Variants in TRPV3 observed in about 807,000 individuals in gnomAD.
TRPV3 encodes VRL-3.
Under a neutral mutation model 87.1 loss-of-function variants are expected in TRPV3, and 88 were observed. The ratio of observed to expected loss-of-function variants is 1.01; its 90% CI spans 0.85 to 1.21. The LOEUF (loss-of-function observed/expected upper bound fraction) is 1.21. TRPV3 is among the 50% of genes most tolerant of loss of function. The pLI is 0.00. For synonymous variants in TRPV3, 438 were observed against 423.3 expected, an observed-to-expected ratio of 1.03 and a Z score of -0.43; for missense variants, 1,054 against 1,030.1, an observed-to-expected ratio of 1.02 and a Z score of -0.32.
intron 6 of TRPV3, among the ~76,000 whole-genome samples, chr17:3,538,184 C>T (rs1461822192): frequency 6.8e-6 from 1 of 146,862 alleles, no homozygotes; most frequent in Non-Finnish European, 1.5e-5. Flanking sequence ...GAGCAAGACC[C>T]CGTCTCAAAA....
At chr17:3,543,381 A>T in intron 5 of TRPV3, 93 bp downstream of exon 5, 1 of 1,501,186 alleles carries the variant, frequency 6.7e-7, no homozygotes, top group East Asian at 2.3e-5. Context: ...CTCACACTCC[A>T]GCCTCATGGG....
intron 13 of TRPV3, among the ~76,000 whole-genome samples, chr17:3,522,820 CAAAA>C (rs772785322): frequency 3.1e-5 from 2 of 64,700 alleles, no homozygotes; most frequent in African/African-American, 1.0e-4. Context: ...CAGTCACAAA[CAAAA>C]AAAAAAAAAA....
In TRPV3 at chr17:3,518,463, G is replaced by C. The variant is rs2074203542; in HGVS notation, c.2085+113C>G. 6.3e-6 allele frequency: 8 copies of C among 1,267,106 alleles called. No individual in the cohort carries two copies. The highest frequency in any genetic ancestry group is 2.8e-4 in the Middle Eastern group (1 of 3,576). The allele number at this position is 1,267,106 out of a possible 1,614,324, so 78.5% of individuals were successfully genotyped here. On this transcript the variant is annotated intron_variant, in intron 15 of 17. Transcript: ENST00000576742. This position sits in a 1 kb window ranked among gnomAD's most constrained non-coding sequence, Gnocchi z 4.3. ...AACCTGGCCACACACTGAGGAGCTTGTGCAGATTCTCAGGCCCCACCTCAG... is the reference window on the plus strand; with the variant it reads ...AACCTGGCCACACACTGAGGAGCTTCTGCAGATTCTCAGGCCCCACCTCAG...
rs150365464 is a variant in TRPV3 at position 3,549,490 on chromosome 17, C to T, written c.120-4219G>A. ...CAGTTGAATTATCCTTGATTCCCAA[C>T]ACTGGTCCTAACACTCAGAAGACTT... On this transcript the variant is annotated intron_variant, in intron 2 of 17. Transcript: ENST00000576742. 8.5e-5 allele frequency among the ~76,000 whole-genome samples: 13 copies of T among 152,358 alleles called. No homozygotes were observed. The East Asian group carries it at 2.3e-3, about 27-fold the overall frequency.
chr17:3,544,646 C>T lies in TRPV3; in HGVS notation c.244G>A (p.Asp82Asn), dbSNP rs1432341210. 1 of 1,609,714 alleles carries T rather than the reference C, an allele frequency of 6.2e-7. No individual in the cohort carries two copies. Among genetic ancestry groups the T allele is most frequent in the Admixed American group, 1.7e-5 (1 of 59,714 alleles). The change falls in exon 4 of 18, where the codon GAC (aspartate) becomes AAC (asparagine). Residue 82 changes from aspartate (D) to asparagine (N), a missense_variant. Coordinates refer to ENST00000576742, the MANE Select transcript of TRPV3 (RefSeq NM_145068.4). Reference sequence around the variant, plus strand: ...TGAGGAGACTGGGGGGAGTCCATGTCATCACAGTTACCAGAGATGCTGGAG... The same window carrying T: ...TGAGGAGACTGGGGGGAGTCCATGTTATCACAGTTACCAGAGATGCTGGAG... ...IRQCISGNCD[D>N]MDSPQSPQDD...
At position 3,544,647 on chromosome 17, in the gene TRPV3, A is replaced by G; in HGVS notation, c.243T>C (p.Asp81=). ...GAGGAGACTGGGGGGAGTCCATGTC[A>G]TCACAGTTACCAGAGATGCTGGAGG... ...NIRQCISGNC[D]DMDSPQSPQD... Residue 81 remains aspartate, a synonymous_variant, in exon 4 of 18, where the codon GAT becomes GAC. Coordinates refer to ENST00000576742, the MANE Select transcript of TRPV3 (RefSeq NM_145068.4). The G allele has an allele frequency of 6.2e-7, 1 of 1,609,860 alleles. No individual in the cohort carries two copies. The highest frequency in any genetic ancestry group is 2.2e-5 in the East Asian group (1 of 44,670).
chr17:3,511,276 T>C lies in TRPV3; in HGVS notation c.*2641A>G, dbSNP rs1017589430. On this transcript the variant is annotated 3_prime_UTR_variant, in exon 18 of 18. Transcript: ENST00000576742. ...AATGTTGACTGCCAAATGAGACACC[T>C]GAGAAAATAGTCCTGCCCCCCAATA... The C allele has an allele frequency of 6.6e-6, 1 of 152,164 alleles. No homozygotes were observed. Among genetic ancestry groups the C allele is most frequent in the African/African-American group, 2.4e-5 (1 of 41,424 alleles). The allele number at this position is 152,164 out of a possible 1,614,324, so 9.4% of individuals were successfully genotyped here.
chr17:3,519,704 AGATGGATGGATG>A lies in TRPV3; in HGVS notation c.1811-866_1811-855del, dbSNP rs145819534. 1.2e-3 allele frequency among the ~76,000 whole-genome samples: 105 copies of A among 86,128 alleles called. 2 individuals carry two copies. Among genetic ancestry groups the A allele is most frequent in the Middle Eastern group, 0.012 (1 of 84 alleles). 56.5% of individuals were successfully genotyped at this position (86,128 alleles called of 152,430 possible). A position where few individuals can be genotyped will look rare whatever the true frequency, so the allele number is the denominator to read the frequency against. ...TGGATGGATGATTGGATGGATGGAT[AGATGGATGGATG>A]GATGGATGGATGGATGGATGGATGG... On this transcript the variant is annotated intron_variant, in intron 14 of 17. Coordinates refer to ENST00000576742, the MANE Select transcript of TRPV3 (RefSeq NM_145068.4).
chr17:3,524,632 C>T (rs113329333), intron 12 of TRPV3, among the ~76,000 whole-genome samples: 20 of 151,836 alleles, frequency 1.3e-4, no homozygotes, highest in Non-Finnish European at 2.8e-4. Flanking sequence ...TCCACAGGGC[C>T]GCAGAAGATT....
intron 12 of TRPV3, among the ~76,000 whole-genome samples, chr17:3,525,032 G>A (rs551954113): frequency 5.9e-5 from 9 of 152,034 alleles, no homozygotes; most frequent in Admixed American, 2.0e-4. Context: ...GGGGGTCAGG[G>A]GGGCAGAGAC....
rs1167856548 is a variant in TRPV3 at position 3,528,321 on chromosome 17, A to C, written c.1402-195T>G. Among the ~76,000 whole-genome samples the C allele has an allele frequency of 6.6e-6, 1 of 152,198 alleles. No homozygotes were observed. On this transcript the variant is annotated intron_variant, in intron 10 of 17. Coordinates refer to ENST00000576742, the MANE Select transcript of TRPV3 (RefSeq NM_145068.4). The surrounding 1 kb of genome is among the most constrained non-coding windows in gnomAD (Gnocchi z 4.2). The stretch of plus-strand genomic sequence containing the variant: ...CTCTCCTCACCCTTGATGGAAACCC[A>C]GAACTCTACAACGAAGAATATCATC...
intron 6 of TRPV3, among the ~76,000 whole-genome samples, chr17:3,540,937 G>A (rs1340857368): frequency 6.6e-6 from 1 of 152,210 alleles, no homozygotes; most frequent in African/African-American, 2.4e-5. Flanking sequence ...ATATCTTCTA[G>A]TTTGTCACAA....
chr17:3,532,496 T>C (rs974363358), intron 8 of TRPV3, among the ~76,000 whole-genome samples, 161 bp downstream of exon 8: 1 of 152,204 alleles, frequency 6.6e-6, no homozygotes, highest in Non-Finnish European at 1.5e-5. Flanking sequence ...CAAACCTGCC[T>C]CCGGCCGCCA....
At chr17:3,517,075 T>A (rs992355419) in intron 15 of TRPV3, among the ~76,000 whole-genome samples, 5 of 150,986 alleles carry the variant, frequency 3.3e-5, no homozygotes, top group African/African-American at 9.7e-5. Context: ...AACCTGGAGG[T>A]TGGAGTTTGC....
chr17:3,510,787 C>T lies in TRPV3; in HGVS notation c.*3130G>A, dbSNP rs1429707144. The T allele has an allele frequency of 6.6e-6, 1 of 152,174 alleles. No homozygotes were observed. Among genetic ancestry groups the T allele is most frequent in the Non-Finnish European group, 1.5e-5 (1 of 68,044 alleles). 9.4% of individuals were successfully genotyped at this position (152,174 alleles called of 1,614,324 possible). On this transcript the variant is annotated 3_prime_UTR_variant, in exon 18 of 18. Transcript: ENST00000576742. ...CGGATGACGGCCCATCTACCTGGGC[C>T]CTGCCCAGAGCGAAAGGTCACAGGT...
chr17:3,550,175 A>G (rs899070856), intron 2 of TRPV3, among the ~76,000 whole-genome samples: 1 of 152,180 alleles, frequency 6.6e-6, no homozygotes, highest in Admixed American at 6.5e-5. Flanking sequence ...TGCATCCTTC[A>G]GGTGACTTCC....
chr17:3,543,954 C>T (rs1467180423), intron 4 of TRPV3, among the ~76,000 whole-genome samples: 1 of 152,114 alleles, frequency 6.6e-6, no homozygotes, highest in East Asian at 1.9e-4. Flanking sequence ...CCTTCCCTGT[C>T]CTCCCACTCC....
At chr17:3,541,479 T>C (rs1037992843) in intron 6 of TRPV3, among the ~76,000 whole-genome samples, 1 of 152,188 alleles carries the variant, frequency 6.6e-6, no homozygotes, top group Non-Finnish European at 1.5e-5. Context: ...CATAAGACCG[T>C]AAAGCGCTGT....
rs768586425 is a variant in TRPV3 at position 3,544,619 on chromosome 17, C to T, written c.271G>A (p.Asp91Asn). The T allele has an allele frequency of 6.2e-7, 1 of 1,609,668 alleles. No individual in the cohort carries two copies. Among genetic ancestry groups the T allele is most frequent in the Non-Finnish European group, 8.5e-7 (1 of 1,179,134 alleles). Reference protein sequence around the residue: ...DDMDSPQSPQDDVTETPSNPN... With the variant: ...DDMDSPQSPQNDVTETPSNPN... ...TTGGATGGGGTCTCTGTCACATCATCCTGAGGAGACTGGGGGGAGTCCATG... is the reference window on the plus strand; with the variant it reads ...TTGGATGGGGTCTCTGTCACATCATTCTGAGGAGACTGGGGGGAGTCCATG... The change falls in exon 4 of 18, where the codon GAT (aspartate) becomes AAT (asparagine). Residue 91 changes from aspartate to asparagine, a missense_variant. By Grantham distance (23) the Asp-to-Asn change is conservative. Transcript: ENST00000576742.
Sources: gnomAD v4.1 joint callset for allele counts (sites outside exome capture counted in the v4.1 genomes callset) on GRCh38, gnomAD v4.1.1 for gene constraint, Gnocchi (gnomAD v3.1) non-coding constraint, MANE v1.5 for transcripts, NCBI Gene and HGNC (gene_info 2026-07-23, HGNC 2026-07-21) for gene names.